Variants in SYNPO2 observed in about 807,000 individuals in gnomAD.
SYNPO2 encodes the protein synaptopodin-2.
In SYNPO2, 56 loss-of-function variants were observed where a neutral mutation model predicts 85.0. That is an observed-to-expected ratio of 0.66 (90% CI 0.53 to 0.82). The LOEUF is 0.82. Among genes scored for constraint, SYNPO2 ranks in the 40% least tolerant of loss-of-function variants. The probability of loss-of-function intolerance (pLI) is 0.00; values close to 1 mark genes in which losing one functional copy is unlikely to be tolerated. For missense variants in SYNPO2, 1,575 were observed against 1,534.2 expected, an observed-to-expected ratio of 1.03 and a Z score of -0.44; for synonymous variants, 602 against 591.1, an observed-to-expected ratio of 1.02 and a Z score of -0.27.
chr4:118,868,872 T>C (rs1248583442), intron 1 of SYNPO2, among the ~76,000 whole-genome samples: 1 of 152,192 alleles, frequency 6.6e-6, no homozygotes, highest in African/African-American at 2.4e-5. Context: ...GACCTCCTTT[T>C]ACCTTTTCCT....
chr4:118,883,905 A>C (rs942742725), upstream of SYNPO2, among the ~76,000 whole-genome samples: 1 of 152,144 alleles, frequency 6.6e-6, no homozygotes, highest in Non-Finnish European at 1.5e-5. Context: ...TAGGTGCTGG[A>C]AGAACATATT....
intron 1 of SYNPO2, among the ~76,000 whole-genome samples, chr4:118,895,338 A>T (rs916413512): frequency 6.6e-6 from 1 of 152,176 alleles, no homozygotes; most frequent in Admixed American, 6.5e-5. Flanking sequence ...AGGAGGAAAG[A>T]TGTGAAGAGG....
chr4:118,983,577 A>G (rs1194588919), intron 1 of SYNPO2, among the ~76,000 whole-genome samples: 1 of 152,130 alleles, frequency 6.6e-6, no homozygotes, highest in Non-Finnish European at 1.5e-5. Flanking sequence ...TACTTTCTTC[A>G]TCAGAATTCA....
chr4:119,056,891 T>C (rs1044336523), intron 4 of SYNPO2, among the ~76,000 whole-genome samples: 1 of 152,188 alleles, frequency 6.6e-6, no homozygotes, highest in African/African-American at 2.4e-5. Context: ...CAACATTAGA[T>C]AACAGATTAA....
intron 1 of SYNPO2, among the ~76,000 whole-genome samples, chr4:118,903,444 A>T (rs765391069): frequency 3.3e-4 from 50 of 152,176 alleles, no homozygotes; most frequent in Admixed American, 5.2e-4. Flanking sequence ...TTATTCAAAA[A>T]TTAAGAAGAG....
At chr4:118,979,837 A>C (rs1476991658) in intron 1 of SYNPO2, among the ~76,000 whole-genome samples, 1 of 152,234 alleles carries the variant, frequency 6.6e-6, no homozygotes, top group Non-Finnish European at 1.5e-5. Flanking sequence ...AAACACTAGG[A>C]GGTCAGGAAG....
intron 1 of SYNPO2, among the ~76,000 whole-genome samples, chr4:118,969,387 T>C (rs1735443029): frequency 6.9e-6 from 1 of 145,162 alleles, no homozygotes; most frequent in Admixed American, 7.2e-5. Context: ...GGTGTTCGTT[T>C]AAAATGGAAA....
intron 1 of SYNPO2, among the ~76,000 whole-genome samples, chr4:118,897,001 T>C (rs1031397341): frequency 2.6e-5 from 4 of 152,012 alleles, no homozygotes; most frequent in African/African-American, 9.7e-5. Context: ...AACAGAATTA[T>C]GGATTTATGT....
At chr4:118,908,295 T>C (rs1733004151) in intron 1 of SYNPO2, among the ~76,000 whole-genome samples, 1 of 152,188 alleles carries the variant, frequency 6.6e-6, no homozygotes, top group Non-Finnish European at 1.5e-5. Context: ...GAACTTTTCT[T>C]ATCATGTACT....
In SYNPO2 at chr4:118,911,193, GA is replaced by G. The variant is rs1409166303; in HGVS notation, c.105+22056del. ...CAAAGATAAAAAATTTTTGGTTTAA[GA>G]AAATCTAATTGGTACGAGGAGGAAA... On this transcript the variant is annotated intron_variant, in intron 1 of 4. Coordinates refer to ENST00000307142, the MANE Select transcript of SYNPO2 (RefSeq NM_133477.3). Among the ~76,000 whole-genome samples the G allele has an allele frequency of 3.9e-5, 6 of 152,236 alleles. No individual in the cohort carries two copies. The East Asian group carries it at 1.2e-3, about 29-fold the overall frequency.
intron 4 of SYNPO2, among the ~76,000 whole-genome samples, chr4:119,045,418 T>C (rs1738844033): frequency 6.6e-6 from 1 of 152,112 alleles, no homozygotes; most frequent in South Asian, 2.1e-4. Context: ...ACCACTGCTC[T>C]CTAGCCGGGG....
intron 1 of SYNPO2, among the ~76,000 whole-genome samples, chr4:118,861,419 C>A (rs1731609631): frequency 6.6e-6 from 1 of 152,122 alleles, no homozygotes; most frequent in Non-Finnish European, 1.5e-5. Flanking sequence ...GTTCTGCCGG[C>A]CTCAGCCTCC....
chr4:118,982,455 C>A (rs971016292), intron 1 of SYNPO2, among the ~76,000 whole-genome samples: 6 of 152,094 alleles, frequency 3.9e-5, no homozygotes, highest in African/African-American at 1.4e-4. Context: ...CTTTGCCTTT[C>A]CTTCATATTT....
intron 3 of SYNPO2, 89 bp from the exon 4 acceptor site, chr4:119,029,756 T>G (rs1738130954): frequency 7.4e-7 from 1 of 1,359,178 alleles, no homozygotes. Context: ...ATATTTATTT[T>G]CCCCCAGGAG....
At position 119,030,516 on chromosome 4, in the gene SYNPO2, A is replaced by G. The variant is rs1738183445; in HGVS notation, c.1741A>G (p.Arg581Gly). 1 of 1,614,118 alleles carries G rather than the reference A, an allele frequency of 6.2e-7. No homozygotes were observed. The change falls in exon 4 of 5, where the codon AGG (arginine) becomes GGG (glycine). Residue 581 changes from arginine to glycine, a missense_variant. Transcript: ENST00000307142. ...SGTSETANIQRMVPMNRTAKP... is the reference protein window; with the variant it reads ...SGTSETANIQGMVPMNRTAKP... ...GACATCTGAGACAGCAAACATCCAGAGGATGGTCCCCATGAATAGAACGGC... is the reference window on the plus strand; with the variant it reads ...GACATCTGAGACAGCAAACATCCAGGGGATGGTCCCCATGAATAGAACGGC...
At chr4:118,883,533 T>C (rs1732148070) in intron 1 of SYNPO2, among the ~76,000 whole-genome samples, 1 of 152,212 alleles carries the variant, frequency 6.6e-6, no homozygotes, top group South Asian at 2.1e-4. Context: ...ATAGAATGGG[T>C]ATTATTTGTT....
At chr4:119,007,218 ATATATATATATATATATATATATATATG>A (rs1737066118) in intron 1 of SYNPO2, among the ~76,000 whole-genome samples, 1 of 20,202 alleles carries the variant, frequency 4.9e-5, no homozygotes, top group Non-Finnish European at 9.5e-5. Flanking sequence ...GAACAAAGGT[ATATATATATATATATATATATATATATG>A]TATATACATA....
chr4:119,047,668 C>T lies in SYNPO2; in HGVS notation c.3253-9733C>T, dbSNP rs1392336984. Among the ~76,000 whole-genome samples, 5 of 152,194 alleles carry T rather than the reference C, an allele frequency of 3.3e-5. No homozygotes were observed. In the East Asian group the frequency reaches 9.6e-4, roughly 29 times the overall value. On this transcript the variant is annotated intron_variant, in intron 4 of 4. Transcript: ENST00000307142. ...AGTGTTTTTATCCTCTAACTTCAAG[C>T]TTGATTGTATCTAAACCACCTCAAG... is the stretch of plus-strand genomic sequence containing the variant.
intron 1 of SYNPO2, among the ~76,000 whole-genome samples, chr4:118,986,837 C>A (rs1736238622): frequency 1.3e-5 from 2 of 152,138 alleles, no homozygotes. Flanking sequence ...CTGGCTGGGT[C>A]AGAGGAACCA....
Sources: gnomAD v4.1 joint callset for allele counts (sites outside exome capture counted in the v4.1 genomes callset) on GRCh38, gnomAD v4.1.1 for gene constraint, MANE v1.5 for transcripts, NCBI Gene and HGNC (gene_info 2026-07-23, HGNC 2026-07-21) for gene names.